KAZN: variants seen among roughly 807,000 people sequenced by gnomAD.
KAZN encodes kazrin, periplakin interacting protein.
Under a neutral mutation model 87.4 loss-of-function variants are expected in KAZN, and 40 were observed. The observed-to-expected ratio is 0.46, with a 90% CI of 0.36 to 0.60. The LOEUF (loss-of-function observed/expected upper bound fraction) is 0.60. Ranked by LOEUF, KAZN falls within the 20% of genes least tolerant of loss-of-function variation. KAZN has a pLI of 0.00. For missense variants in KAZN, 898 were observed against 1,073.9 expected, an observed-to-expected ratio of 0.84 and a Z score of 2.29; for synonymous variants, 466 against 458.3, an observed-to-expected ratio of 1.02 and a Z score of -0.22.
At chr1:14,302,578 G>A (rs1654628773) in intron 2 of KAZN, among the ~76,000 whole-genome samples, 1 of 152,190 alleles carries the variant, frequency 6.6e-6, no homozygotes, top group Non-Finnish European at 1.5e-5. Context: ...GGTGTAACAA[G>A]AATGTGTTAG....
chr1:14,449,566 A>T (rs1667154913), intron 2 of KAZN, among the ~76,000 whole-genome samples: 1 of 152,232 alleles, frequency 6.6e-6, no homozygotes, highest in Non-Finnish European at 1.5e-5. Flanking sequence ...GTGCTTATAC[A>T]TATGGAATTT....
At chr1:14,625,743 C>T (rs1423452188) in intron 1 of KAZN, among the ~76,000 whole-genome samples, 4 of 152,122 alleles carry the variant, frequency 2.6e-5, no homozygotes, top group Non-Finnish European at 5.9e-5. Context: ...TGAAAGAGGG[C>T]GGGAGGTTTG....
chr1:14,587,274 A>G (rs1374200021), intron 2 of KAZN, among the ~76,000 whole-genome samples: 5 of 151,850 alleles, frequency 3.3e-5, no homozygotes, highest in African/African-American at 1.2e-4. Context: ...CATCTCTACT[A>G]AAAATACAAA....
chr1:14,530,162 C>T (rs951064246), intron 2 of KAZN, among the ~76,000 whole-genome samples: 1 of 152,284 alleles, frequency 6.6e-6, no homozygotes, highest in South Asian at 2.1e-4. Flanking sequence ...CACCTTCCCC[C>T]AGTGCCAGGA....
chr1:14,982,417 A>AT (rs71000353), intron 2 of KAZN, among the ~76,000 whole-genome samples: 1,939 of 64,864 alleles, frequency 0.03, 342 homozygotes, highest in African/African-American at 0.061. Flanking sequence ...AGCACCTGAG[A>AT]TTTTTTTTTT....
intron 1 of KAZN, among the ~76,000 whole-genome samples, chr1:14,600,264 A>G (rs1676852343): frequency 6.6e-6 from 1 of 152,206 alleles, no homozygotes; most frequent in Non-Finnish European, 1.5e-5. Context: ...AGTGCAAGGT[A>G]CCAATTGCTC....
At chr1:14,298,220 G>A (rs568351311) in intron 2 of KAZN, among the ~76,000 whole-genome samples, 1 of 152,108 alleles carries the variant, frequency 6.6e-6, no homozygotes, top group African/African-American at 2.4e-5. Context: ...TTCAGACCCG[G>A]TGTCTTAAAA....
chr1:13,991,480 C>T (rs1488534571), intron 1 of KAZN, among the ~76,000 whole-genome samples: 1 of 151,802 alleles, frequency 6.6e-6, no homozygotes, highest in Non-Finnish European at 1.5e-5. Flanking sequence ...GTGTTTCTAC[C>T]ATACAGATAA....
chr1:14,147,818 C>G (rs1645386383), intron 1 of KAZN, among the ~76,000 whole-genome samples: 1 of 150,408 alleles, frequency 6.6e-6, no homozygotes, highest in Non-Finnish European at 1.5e-5. Flanking sequence ...AACAAAAAAA[C>G]TAAAGGTCAC....
At chr1:14,597,208 G>A (rs1197707318), upstream of KAZN, among the ~76,000 whole-genome samples, 2 of 152,168 alleles carry the variant, frequency 1.3e-5, no homozygotes, top group African/African-American at 2.4e-5. Flanking sequence ...GTCAGGGTTC[G>A]ATCCCCGAAC....
At chr1:14,095,696 T>C (rs1253052354) in intron 1 of KAZN, among the ~76,000 whole-genome samples, 7 of 152,190 alleles carry the variant, frequency 4.6e-5, no homozygotes, top group Admixed American at 6.5e-5. Flanking sequence ...GGCTTCTTCA[T>C]GTGGCTTGGG....
At chr1:14,969,331 C>T (rs1470022598) in intron 2 of KAZN, among the ~76,000 whole-genome samples, 1 of 152,246 alleles carries the variant, frequency 6.6e-6, no homozygotes, top group Non-Finnish European at 1.5e-5. Context: ...AAGACGTGTT[C>T]ATCTTCTATG....
intron 2 of KAZN, among the ~76,000 whole-genome samples, chr1:14,448,373 G>A (rs1667096147): frequency 6.6e-6 from 1 of 152,210 alleles, no homozygotes; most frequent in Non-Finnish European, 1.5e-5. Flanking sequence ...AGAATGGGAA[G>A]GAGCAATCCA....
intron 1 of KAZN, among the ~76,000 whole-genome samples, chr1:13,903,089 T>A (rs1177905772): frequency 6.6e-6 from 1 of 152,196 alleles, no homozygotes; most frequent in East Asian, 1.9e-4. Context: ...GACAATGTGA[T>A]GTTTGGAGTA....
At chr1:14,624,223 C>T (rs1467459021) in intron 1 of KAZN, among the ~76,000 whole-genome samples, 2 of 152,242 alleles carry the variant, frequency 1.3e-5, no homozygotes, top group Admixed American at 6.5e-5. Context: ...GAGATCGAGA[C>T]CGTCCTGGCT....
intron 1 of KAZN, among the ~76,000 whole-genome samples, chr1:14,708,852 C>CA (rs1642345536): frequency 1.3e-5 from 2 of 152,176 alleles, no homozygotes; most frequent in African/African-American, 4.8e-5. Flanking sequence ...TTTGGTTTAT[C>CA]GTTTTGTTTG....
intron 1 of KAZN, among the ~76,000 whole-genome samples, chr1:14,803,677 C>T (rs1646112995): frequency 6.6e-6 from 1 of 152,256 alleles, no homozygotes; most frequent in African/African-American, 2.4e-5. Flanking sequence ...TGGGGAGTCA[C>T]TCCAGTGCTT....
At chr1:14,125,962 G>T (rs1644856189) in intron 1 of KAZN, among the ~76,000 whole-genome samples, 1 of 125,194 alleles carries the variant, frequency 8.0e-6, no homozygotes, top group African/African-American at 3.0e-5. Context: ...GTGGTGCGGG[G>T]TGGGGTGGGG....
chr1:14,176,176 C>T (rs1646070755), intron 1 of KAZN, among the ~76,000 whole-genome samples: 1 of 152,152 alleles, frequency 6.6e-6, no homozygotes, highest in Non-Finnish European at 1.5e-5. Flanking sequence ...ATTCAAATTG[C>T]TTCCCCTACC....
Sources: gnomAD v4.1 joint callset for allele counts (sites outside exome capture counted in the v4.1 genomes callset) on GRCh38, gnomAD v4.1.1 for gene constraint, MANE v1.5 for transcripts, NCBI Gene and HGNC (gene_info 2026-07-23, HGNC 2026-07-21) for gene names.